Variants in C16orf78 observed in about 807,000 individuals in gnomAD.
C16orf78 encodes chromosome 16 open reading frame 78.
A neutral mutation model predicts 27.3 loss-of-function variants in C16orf78; 19 were observed. The observed-to-expected ratio is 0.70, with a 90% confidence interval of 0.49 to 1.02. The LOEUF is 1.02. Among genes scored for constraint, C16orf78 ranks in the 50% least tolerant of loss-of-function variants. C16orf78 has a pLI of 0.00. For synonymous variants in C16orf78, 130 were observed against 116.1 expected, an observed-to-expected ratio of 1.12 and a Z score of -0.77; for missense variants, 339 against 337.0, an observed-to-expected ratio of 1.01 and a Z score of -0.05.
intron 1 of C16orf78, among the ~76,000 whole-genome samples, chr16:49,376,188 G>T (rs1275704512): frequency 6.6e-6 from 1 of 152,216 alleles, no homozygotes; most frequent in Non-Finnish European, 1.5e-5. Flanking sequence ...GACCTCCTCT[G>T]TTCTCTCCTG....
chr16:49,384,304 T>A (rs138380955), intron 3 of C16orf78, among the ~76,000 whole-genome samples: 8 of 137,572 alleles, frequency 5.8e-5, no homozygotes, highest in African/African-American at 1.7e-4. Flanking sequence ...GCCGAGATAG[T>A]GCCATTGCAC....
intron 1 of C16orf78, among the ~76,000 whole-genome samples, chr16:49,377,006 T>C (rs528305751): frequency 6.6e-6 from 1 of 152,256 alleles, no homozygotes; most frequent in South Asian, 2.1e-4. Flanking sequence ...CCTTATAGAC[T>C]AGGCAGAATG....
chr16:49,397,368 C>T (rs547863275), intron 4 of C16orf78, among the ~76,000 whole-genome samples: 57 of 152,322 alleles, frequency 3.7e-4, no homozygotes, highest in Middle Eastern at 3.4e-3. Flanking sequence ...TGTCATCATC[C>T]TTGTAAGGTT....
chr16:49,382,801 C>T (rs757122520), intron 3 of C16orf78, among the ~76,000 whole-genome samples: 10 of 152,188 alleles, frequency 6.6e-5, no homozygotes, highest in Non-Finnish European at 1.0e-4. Flanking sequence ...TCTCTTTCCT[C>T]TTCTCTTTCC....
At chr16:49,377,381 G>A (rs1260124027) in intron 1 of C16orf78, among the ~76,000 whole-genome samples, 1 of 152,154 alleles carries the variant, frequency 6.6e-6, no homozygotes, top group Non-Finnish European at 1.5e-5. Flanking sequence ...ACTGGAGGCA[G>A]GGGCAGGGAA....
chr16:49,382,412 A>C (rs191356391), intron 3 of C16orf78, among the ~76,000 whole-genome samples: 44 of 151,004 alleles, frequency 2.9e-4, no homozygotes, highest in Non-Finnish European at 4.9e-4. Flanking sequence ...CTTAAAGTAT[A>C]ATAATAAAAT....
chr16:49,383,967 G>A (rs1048330123), intron 3 of C16orf78, among the ~76,000 whole-genome samples: 8 of 152,130 alleles, frequency 5.3e-5, no homozygotes, highest in Non-Finnish European at 8.8e-5. Flanking sequence ...GACATTCACC[G>A]AGCTACAAGG....
At position 49,378,534 on chromosome 16, in the gene C16orf78, AG is replaced by A; in HGVS notation, c.339del (p.Lys114AsnfsTer44). On this transcript the variant is annotated frameshift_variant, in exon 3 of 5. Transcript: ENST00000299191. LOFTEE classifies it high-confidence loss of function. ...SYRSLYGVEQ[K>X]GKHLSMVPGS... ...CGAAGCCTCTATGGAGTGGAGCAAA[AG>A]GGGAAACACCTCAGCATGGTCCCTG... The A allele has an allele frequency of 6.2e-7, 1 of 1,613,110 alleles. No individual in the cohort carries two copies. The highest frequency in any genetic ancestry group is 8.5e-7 in the Non-Finnish European group (1 of 1,179,570).
At chr16:49,396,863 C>T (rs1234742389) in intron 4 of C16orf78, among the ~76,000 whole-genome samples, 185 bp downstream of exon 4, 3 of 152,230 alleles carry the variant, frequency 2.0e-5, no homozygotes, top group Non-Finnish European at 4.4e-5. Context: ...TTTCCAGCAG[C>T]TCACCTGCTG....
At chr16:49,388,913 C>A (rs1439670004) in intron 3 of C16orf78, among the ~76,000 whole-genome samples, 1 of 152,152 alleles carries the variant, frequency 6.6e-6, no homozygotes, top group Non-Finnish European at 1.5e-5. Flanking sequence ...ATTATATTAA[C>A]TATCTTTTCT....
chr16:49,373,860 CCAT>C lies in C16orf78; in HGVS notation c.-77_-75del. 1.9e-6 allele frequency: 3 copies of C among 1,546,054 alleles called. No homozygotes were observed. The highest frequency in any genetic ancestry group is 2.6e-6 in the Non-Finnish European group (3 of 1,132,312). On this transcript the variant is annotated 5_prime_UTR_variant, in exon 1 of 5. Transcript: ENST00000299191. ...ACACCCTACCTTCTAAGTCACCAGG[CCAT>C]CAAGTCCAGACAAAGGGATCGAAAG... is the stretch of plus-strand genomic sequence containing the variant.
At chr16:49,397,652 G>A (rs1965490577) in intron 4 of C16orf78, among the ~76,000 whole-genome samples, 1 of 152,182 alleles carries the variant, frequency 6.6e-6, no homozygotes, top group Admixed American at 6.5e-5. Context: ...CATGGTGGGG[G>A]GAAAGAGATT....
intron 1 of C16orf78, among the ~76,000 whole-genome samples, chr16:49,375,291 T>C (rs866247157): frequency 6.6e-5 from 10 of 152,040 alleles, no homozygotes; most frequent in Non-Finnish European, 1.3e-4. Flanking sequence ...TCCATTCTCA[T>C]ACTGCTACAA....
At chr16:49,387,200 C>T (rs932603040) in intron 3 of C16orf78, among the ~76,000 whole-genome samples, 1 of 151,758 alleles carries the variant, frequency 6.6e-6, no homozygotes, top group Non-Finnish European at 1.5e-5. Context: ...ATGATCAGGG[C>T]TATTGAGGTT....
chr16:49,395,458 TG>T (rs1567395004), intron 3 of C16orf78, among the ~76,000 whole-genome samples: 11 of 132,842 alleles, frequency 8.3e-5, no homozygotes, highest in East Asian at 4.4e-4. Context: ...GATTTTTTTT[TG>T]CGATTTTTTT....
chr16:49,398,328 T>C (rs991882263), intron 4 of C16orf78, among the ~76,000 whole-genome samples: 1 of 152,324 alleles, frequency 6.6e-6, no homozygotes, highest in Non-Finnish European at 1.5e-5. Context: ...CTACACCCTA[T>C]ACTAAAGCTG....
At chr16:49,378,766 G>A (rs1032943219) in intron 3 of C16orf78, among the ~76,000 whole-genome samples, 173 bp downstream of exon 3, 1 of 152,124 alleles carries the variant, frequency 6.6e-6, no homozygotes. Flanking sequence ...CACTCCTGGG[G>A]TCGCTCTTGG....
At chr16:49,376,207 C>T (rs1052000393) in intron 1 of C16orf78, among the ~76,000 whole-genome samples, 7 of 152,224 alleles carry the variant, frequency 4.6e-5, no homozygotes, top group African/African-American at 1.7e-4. Context: ...TGGGGTCTGA[C>T]CTGGCCATCC....
intron 3 of C16orf78, among the ~76,000 whole-genome samples, chr16:49,384,742 T>G (rs745530468): frequency 2.0e-5 from 3 of 152,188 alleles, no homozygotes; most frequent in Non-Finnish European, 2.9e-5. Flanking sequence ...CCAAGACATA[T>G]TATAGCTAAA....
Sources: allele counts gnomAD v4.1 joint callset (sites outside exome capture counted in the v4.1 genomes callset), GRCh38; gene constraint gnomAD v4.1.1; transcripts MANE v1.5; gene names NCBI Gene and HGNC (gene_info 2026-07-23, HGNC 2026-07-21).